FBP1: variants seen among roughly 807,000 people sequenced by gnomAD.
The protein encoded by FBP1 is fructose-1,6-bisphosphatase 1.
FBP1 carries 22 observed loss-of-function variants against 29.9 expected under a neutral mutation model. The observed-to-expected ratio is 0.74, with a 90% confidence interval of 0.53 to 1.05. The LOEUF is 1.05. Among genes scored for constraint, FBP1 ranks in the 50% least tolerant of loss-of-function variants. The pLI, the probability that FBP1 is intolerant of heterozygous loss-of-function variation, is 0.00. For missense variants in FBP1, 345 were observed against 448.2 expected (o/e 0.77, Z 2.08); for synonymous variants, 175 against 178.6 (o/e 0.98, Z 0.16).
intron 4 of FBP1, among the ~76,000 whole-genome samples, chr9:94,608,502 G>A (rs1411045152): frequency 6.6e-6 from 1 of 152,192 alleles, no homozygotes; most frequent in Admixed American, 6.5e-5. Context: ...AGAAGAATGG[G>A]AAGCAGTCAG....
chr9:94,607,521 CCGATGGCCTTTGCT>C (rs1449422468), intron 4 of FBP1, among the ~76,000 whole-genome samples: 1 of 152,190 alleles, frequency 6.6e-6, no homozygotes, highest in Non-Finnish European at 1.5e-5. Context: ...TACGTAACTT[CCGATGGCCTTTGCT>C]CGCTGGCGTG....
chr9:94,607,468 G>T (rs941695494), intron 4 of FBP1, among the ~76,000 whole-genome samples: 1 of 152,090 alleles, frequency 6.6e-6, no homozygotes, highest in Admixed American at 6.5e-5. Flanking sequence ...CTTTCTGGGC[G>T]TTCTTATAGA....
intron 1 of FBP1, among the ~76,000 whole-genome samples, chr9:94,637,717 A>G (rs144364074): frequency 5.4e-4 from 82 of 152,254 alleles, no homozygotes; most frequent in Non-Finnish European, 9.6e-4. Flanking sequence ...TATAGTGTGC[A>G]TAAGTGCGGG....
chr9:94,639,022 C>T (rs1030549731), intron 1 of FBP1, 119 bp downstream of exon 1: 1 of 1,012,924 alleles, frequency 9.9e-7, no homozygotes, highest in Non-Finnish European at 1.5e-6. Flanking sequence ...GGCGCTCAGA[C>T]ATCAGACGGA....
rs1335507767 is a variant in FBP1, at chr9:94,603,588, G to A, written c.826-16C>T. The A allele has an allele frequency of 1.1e-5, 17 of 1,612,642 alleles. No homozygotes were observed. Among genetic ancestry groups the A allele is most frequent in the Middle Eastern group, 1.6e-4 (1 of 6,072 alleles). On this transcript the variant is annotated splice_polypyrimidine_tract_variant and intron_variant, in intron 6 of 6. Transcript: ENST00000375326. Reference sequence around the variant, plus strand: ...GCAGTCTCAGCTGGAAAACAAGACCGGGTAGCGGCCTCCTTGTATCAGAAG... The same window carrying A: ...GCAGTCTCAGCTGGAAAACAAGACCAGGTAGCGGCCTCCTTGTATCAGAAG...
chr9:94,638,647 C>T (rs1359051968), intron 1 of FBP1, among the ~76,000 whole-genome samples: 1 of 152,046 alleles, frequency 6.6e-6, no homozygotes, highest in African/African-American at 2.4e-5. Flanking sequence ...GGGGGACACT[C>T]GCTCCTAACA....
chr9:94,633,380 C>T (rs988110346), intron 1 of FBP1, among the ~76,000 whole-genome samples: 1 of 152,180 alleles, frequency 6.6e-6, no homozygotes, highest in East Asian at 1.9e-4. Context: ...ACGCAACTGC[C>T]CCACTCAAAA....
chr9:94,639,334 G>T lies in FBP1; in HGVS notation c.-24C>A. The T allele has an allele frequency of 1.3e-6, 2 of 1,597,876 alleles. No individual in the cohort carries two copies. The highest frequency in any genetic ancestry group is 1.7e-6 in the Non-Finnish European group (2 of 1,172,414). On this transcript the variant is annotated 5_prime_UTR_variant, in exon 1 of 7. Transcript: ENST00000375326. ...ATGCTTGAACCGGGTAGAGCGCGGG[G>T]CTGCAGGTGCAAGCGGCAGGTGCGG...
intron 4 of FBP1, among the ~76,000 whole-genome samples, chr9:94,607,199 T>A (rs1827715280): frequency 6.6e-6 from 1 of 152,102 alleles, no homozygotes; most frequent in South Asian, 2.1e-4. Flanking sequence ...TGCATATGAT[T>A]TCAGTCAAAC....
chr9:94,609,802 C>T (rs955284381), intron 4 of FBP1, 119 bp downstream of exon 4: 2 of 1,125,040 alleles, frequency 1.8e-6, no homozygotes, highest in African/African-American at 1.5e-5. Context: ...ACATCATCAT[C>T]TCTGTCCCTC....
chr9:94,611,116 G>A (rs1827778339), intron 3 of FBP1, among the ~76,000 whole-genome samples: 1 of 152,052 alleles, frequency 6.6e-6, no homozygotes, highest in African/African-American at 2.4e-5. Flanking sequence ...ACCTGCCTCG[G>A]CCTCCCAAAG....
chr9:94,634,399 G>C (rs183716887), intron 1 of FBP1, among the ~76,000 whole-genome samples: 1 of 151,976 alleles, frequency 6.6e-6, no homozygotes, highest in African/African-American at 2.4e-5. Context: ...TGTTGTTCTC[G>C]TCTTCTGGAA....
intron 5 of FBP1, among the ~76,000 whole-genome samples, chr9:94,605,858 A>T (rs1827691573): frequency 6.6e-6 from 1 of 152,182 alleles, no homozygotes; most frequent in African/African-American, 2.4e-5. Context: ...GGCATTACAG[A>T]AACTGTACCA....
At chr9:94,621,344 C>T (rs1433098030) in intron 1 of FBP1, among the ~76,000 whole-genome samples, 2 of 150,852 alleles carry the variant, frequency 1.3e-5, no homozygotes, top group Non-Finnish European at 2.9e-5. Context: ...TGCAGTGAGC[C>T]GAGATCGCAC....
At position 94,605,679 on chromosome 9, in the gene FBP1, C is replaced by T. The variant is rs28369759; in HGVS notation, c.706-103G>A. ...TGATTCCACATCCATTCACCGAGCA[C>T]CTACAAGGTATGTATTTGGGGCTGT... On this transcript the variant is annotated intron_variant, in intron 5 of 6. Transcript: ENST00000375326. 6,964 of 1,148,570 alleles carry T rather than the reference C, an allele frequency of 6.1e-3. 34 individuals are homozygous for T. The highest frequency in any genetic ancestry group is 7.6e-3 in the Non-Finnish European group (5,933 of 782,202). The allele number at this position is 1,148,570 out of a possible 1,614,324, so 71.1% of individuals were successfully genotyped here. A position where few individuals can be genotyped will look rare whatever the true frequency, so the allele number is the denominator to read the frequency against.
chr9:94,638,706 C>A (rs922259177), intron 1 of FBP1, among the ~76,000 whole-genome samples: 4 of 152,092 alleles, frequency 2.6e-5, no homozygotes, highest in African/African-American at 9.7e-5. Context: ...TGACTTGGGT[C>A]CCTAATTGCA....
rs768388780 is a variant in FBP1, at chr9:94,620,355, C to T, written c.307G>A (p.Ala103Thr). Residue 103 changes from alanine to threonine, a missense_variant, in exon 2 of 7, where the codon GCC becomes ACC. Physicochemically the swap from Ala to Thr is moderately conservative, Grantham distance 58. Transcript: ENST00000375326. The part of the protein sequence containing the change: ...CVLVSEEDKH[A>T]IIVEPEKRGK... ...CTTTTCTCCGGTTCCACTATGATGG[C>T]GTGTTTATCTTCTTCTGACACGAGA... 40 of 1,614,134 alleles carry T rather than the reference C, an allele frequency of 2.5e-5. No individual in the cohort carries two copies. Among genetic ancestry groups the T allele is most frequent in the Admixed American group, 2.0e-4 (12 of 60,026 alleles).
chr9:94,609,391 C>A (rs1827749524), intron 4 of FBP1, among the ~76,000 whole-genome samples: 1 of 152,212 alleles, frequency 6.6e-6, no homozygotes, highest in Non-Finnish European at 1.5e-5. Context: ...TTATGGCAAA[C>A]AGAATATCTA....
intron 5 of FBP1, among the ~76,000 whole-genome samples, chr9:94,605,954 G>A (rs894962916): frequency 2.0e-5 from 3 of 152,160 alleles, no homozygotes; most frequent in Non-Finnish European, 4.4e-5. Context: ...ATTTACAGGA[G>A]AGGAAACTGC....
Sources: gnomAD v4.1 joint callset for allele counts (sites outside exome capture counted in the v4.1 genomes callset) on GRCh38, gnomAD v4.1.1 for gene constraint, MANE v1.5 for transcripts, NCBI Gene and HGNC (gene_info 2026-07-23, HGNC 2026-07-21) for gene names.